SNX7: variants seen among roughly 807,000 people sequenced by gnomAD.
SNX7 encodes the protein sorting nexin-7.
SNX7 carries 35 observed loss-of-function variants against 48.4 expected under a neutral mutation model. The observed-to-expected ratio is 0.72, with a 90% confidence interval of 0.55 to 0.96. SNX7 has a LOEUF of 0.96. Ranked by LOEUF, SNX7 falls within the 40% of genes least tolerant of loss-of-function variation. The probability of loss-of-function intolerance (pLI) is 0.00; values close to 1 mark genes in which losing one functional copy is unlikely to be tolerated. For synonymous variants in SNX7, 190 were observed against 190.2 expected (o/e 1.00, Z 0.01); for missense variants, 553 against 548.9 (o/e 1.01, Z -0.07).
chr1:98,706,951 A>G (rs1358847141), intron 7 of SNX7, among the ~76,000 whole-genome samples: 1 of 152,174 alleles, frequency 6.6e-6, no homozygotes, highest in African/African-American at 2.4e-5. Flanking sequence ...TAGTCACCCA[A>G]TGGAGCTATT....
intron 7 of SNX7, among the ~76,000 whole-genome samples, chr1:98,710,382 C>G (rs1323322021): frequency 6.6e-6 from 1 of 151,960 alleles, no homozygotes; most frequent in Admixed American, 6.6e-5. Flanking sequence ...GGCAGCGTAA[C>G]AATGTTGCAG....
At chr1:98,706,543 AGAG>A (rs1159777035) in intron 7 of SNX7, among the ~76,000 whole-genome samples, 11 of 152,298 alleles carry the variant, frequency 7.2e-5, no homozygotes, top group African/African-American at 2.2e-4. Flanking sequence ...ATAGTTGAAC[AGAG>A]GAGTAACATA....
At chr1:98,758,191 T>G (rs1265771723) in intron 8 of SNX7, among the ~76,000 whole-genome samples, 1 of 152,088 alleles carries the variant, frequency 6.6e-6, no homozygotes, top group Non-Finnish European at 1.5e-5. Context: ...ATGCATAGTT[T>G]GGACAATTAT....
intron 7 of SNX7, among the ~76,000 whole-genome samples, chr1:98,721,770 T>C (rs750583332): frequency 1.3e-5 from 2 of 152,110 alleles, no homozygotes; most frequent in Non-Finnish European, 2.9e-5. Context: ...AGCCTAATGG[T>C]AATTGAACAT....
chr1:98,691,914 T>TATACAC (rs143738586), intron 4 of SNX7, among the ~76,000 whole-genome samples: 28,537 of 132,782 alleles, frequency 0.21, 3,383 homozygotes, highest in Non-Finnish European at 0.27. Flanking sequence ...TCCATATATA[T>TATACAC]ACACACACAC....
At chr1:98,718,258 A>G (rs1433310760) in intron 7 of SNX7, among the ~76,000 whole-genome samples, 2 of 152,132 alleles carry the variant, frequency 1.3e-5, no homozygotes, top group African/African-American at 4.8e-5. Context: ...TTTTTAGTAT[A>G]TATTAAATAA....
intron 7 of SNX7, among the ~76,000 whole-genome samples, chr1:98,722,864 C>A (rs1001205877): frequency 2.0e-5 from 3 of 152,092 alleles, no homozygotes; most frequent in African/African-American, 7.2e-5. Context: ...GGTGATATAT[C>A]TTTACGTAGA....
chr1:98,733,531 C>G (rs1409669139), intron 7 of SNX7, among the ~76,000 whole-genome samples: 1 of 152,200 alleles, frequency 6.6e-6, no homozygotes, highest in African/African-American at 2.4e-5. Context: ...TACTCGTACT[C>G]TAGGTATCAA....
intron 2 of SNX7, among the ~76,000 whole-genome samples, chr1:98,690,175 C>A (rs1255788077): frequency 6.6e-6 from 1 of 152,056 alleles, no homozygotes; most frequent in Non-Finnish European, 1.5e-5. Context: ...TCCATGTTTA[C>A]TTCTGCAGGA....
chr1:98,698,692 T>C lies in SNX7; in HGVS notation c.839-14T>C. 1 of 1,301,556 alleles carries C rather than the reference T, an allele frequency of 7.7e-7. No homozygotes were observed. Among genetic ancestry groups the C allele is most frequent in the Non-Finnish European group, 1.0e-6 (1 of 955,230 alleles). 80.6% of individuals were successfully genotyped at this position (1,301,556 alleles called of 1,614,324 possible). On this transcript the variant is annotated splice_polypyrimidine_tract_variant and intron_variant, in intron 5 of 8. Coordinates refer to ENST00000306121, the MANE Select transcript of SNX7 (RefSeq NM_015976.5). ...GTTTATTGAAGAGCTTATTAAGTCT[T>C]TTTTTTTTTTTAGAATATTTTGATG...
intron 1 of SNX7, among the ~76,000 whole-genome samples, chr1:98,684,415 C>T (rs1650668985): frequency 6.6e-6 from 1 of 152,156 alleles, no homozygotes; most frequent in Admixed American, 6.6e-5. Context: ...GCAAGGGATG[C>T]TCTCAGCTTC....
chr1:98,679,858 G>T (rs763092490), intron 1 of SNX7, among the ~76,000 whole-genome samples: 1 of 152,176 alleles, frequency 6.6e-6, no homozygotes, highest in Non-Finnish European at 1.5e-5. Flanking sequence ...CTGGCATTGC[G>T]TGTCTGTCTG....
chr1:98,661,925 C>T lies in SNX7; in HGVS notation c.180+14C>T. 1 of 1,246,416 alleles carries T rather than the reference C, an allele frequency of 8.0e-7. No individual in the cohort carries two copies. The highest frequency in any genetic ancestry group is 1.0e-6 in the Non-Finnish European group (1 of 987,140). 77.2% of individuals were successfully genotyped at this position (1,246,416 alleles called of 1,614,324 possible). On this transcript the variant is annotated intron_variant, in intron 1 of 8. Transcript: ENST00000306121. ...GTGTTCAGCAAGGTGAGGGCGGCGG[C>T]GGCGAGTCCCGGGAAACTTCCAAGG...
intron 8 of SNX7, among the ~76,000 whole-genome samples, chr1:98,746,989 T>C (rs957964689): frequency 9.2e-5 from 14 of 152,066 alleles, no homozygotes; most frequent in Non-Finnish European, 1.9e-4. Context: ...GGTATTTGTT[T>C]TGGTGACCTC....
chr1:98,730,678 A>G (rs1653463659), intron 7 of SNX7, among the ~76,000 whole-genome samples: 1 of 152,100 alleles, frequency 6.6e-6, no homozygotes, highest in African/African-American at 2.4e-5. Context: ...TAAAATACCT[A>G]GGAATACAGC....
At position 98,738,233 on chromosome 1, in the gene SNX7, T is replaced by A; in HGVS notation, c.1126-4T>A. On this transcript the variant is annotated splice_region_variant and splice_polypyrimidine_tract_variant and intron_variant, in intron 7 of 8. Coordinates refer to ENST00000306121, the MANE Select transcript of SNX7 (RefSeq NM_015976.5). ...AATGTATCTCTCTTTGTGACTTAAT[T>A]CAGCTTCCAGAGGAGATTGGAAAAC... 1 of 1,611,656 alleles carries A rather than the reference T, an allele frequency of 6.2e-7. No homozygotes were observed. The highest frequency in any genetic ancestry group is 8.5e-7 in the Non-Finnish European group (1 of 1,179,202).
chr1:98,694,480 T>A (rs887220193), intron 4 of SNX7, among the ~76,000 whole-genome samples: 1 of 152,054 alleles, frequency 6.6e-6, no homozygotes, highest in African/African-American at 2.4e-5. Flanking sequence ...TAGTATCTAT[T>A]TACAAACCAT....
At chr1:98,669,660 T>C (rs955290868) in intron 1 of SNX7, among the ~76,000 whole-genome samples, 2 of 152,218 alleles carry the variant, frequency 1.3e-5, no homozygotes, top group African/African-American at 4.8e-5. Context: ...TGAGAAGCAC[T>C]GATCTAGGTT....
intron 2 of SNX7, among the ~76,000 whole-genome samples, chr1:98,687,750 A>T (rs1570515281): frequency 6.6e-6 from 1 of 152,164 alleles, no homozygotes; most frequent in Non-Finnish European, 1.5e-5. Flanking sequence ...TAAAGGCGGG[A>T]CATTTAATTG....
Sources: allele counts gnomAD v4.1 joint callset (sites outside exome capture counted in the v4.1 genomes callset), GRCh38; gene constraint gnomAD v4.1.1; transcripts MANE v1.5; gene names NCBI Gene and HGNC (gene_info 2026-07-23, HGNC 2026-07-21).